The following PHF14 variants were observed in gnomAD, a reference collection of about 807,000 sequenced individuals.
The protein encoded by PHF14 is PHD finger protein 14.
PHF14 carries 55 observed loss-of-function variants against 117.9 expected under a neutral mutation model. That is an observed-to-expected ratio of 0.47 (90% CI 0.38 to 0.58). PHF14 has a LOEUF of 0.58. PHF14 is among the 20% of genes least tolerant of loss of function. The pLI is 0.00. For missense variants in PHF14, 978 were observed against 1,122.2 expected (o/e 0.87, Z 1.84); for synonymous variants, 409 against 368.6 (o/e 1.11, Z -1.26).
intron 17 of PHF14, among the ~76,000 whole-genome samples, chr7:11,152,549 A>G (rs1268150667): frequency 1.3e-5 from 2 of 152,162 alleles, no homozygotes; most frequent in African/African-American, 2.4e-5. Flanking sequence ...ATGCTTCTAT[A>G]TAGTAAGGAA....
chr7:10,990,738 C>G lies in PHF14; in HGVS notation c.936C>G (p.Ser312Arg). 1 of 1,560,484 alleles carries G rather than the reference C, an allele frequency of 6.4e-7. No homozygotes were observed. The highest frequency in any genetic ancestry group is 8.7e-7 in the Non-Finnish European group (1 of 1,148,244). The change falls in exon 4 of 18, where the codon AGC (serine) becomes AGG (arginine). Residue 312 changes from serine to arginine, a missense_variant. Ser to Arg is a moderately radical substitution (Grantham distance 110). This residue lies in a region of PHF14 where 414 missense variants were observed against 376.4 expected (regional missense o/e 1.10). Coordinates refer to ENST00000634607, the MANE Select transcript of PHF14 (RefSeq NM_001007157.2). ...SLILEKSQNW[S>R]SQKMDHILIC... is the part of the protein sequence containing the mutation. ...TTCTTGAGAAGAGTCAAAACTGGAG[C>G]TCTCAAAAAATGGACCATATTCTGA...
chr7:11,107,971 A>G lies in PHF14; in HGVS notation c.2655-3379A>G, dbSNP rs148875938. 691 of 152,824 alleles carry G rather than the reference A, an allele frequency of 4.5e-3. 2 individuals carry two copies. Among genetic ancestry groups the G allele is most frequent in the Non-Finnish European group, 7.2e-3 (492 of 68,676 alleles). The allele number at this position is 152,824 out of a possible 1,614,324, so 9.5% of individuals were successfully genotyped here. Reference sequence around the variant, plus strand: ...CCTTACGAGTTTTTTTAAATGGTCTAAATTTGCAACATAGCTCAGGGTTTG... The same window carrying G: ...CCTTACGAGTTTTTTTAAATGGTCTGAATTTGCAACATAGCTCAGGGTTTG... On this transcript the variant is annotated intron_variant, in intron 16 of 17. Coordinates refer to ENST00000634607, the MANE Select transcript of PHF14 (RefSeq NM_001007157.2).
intron 17 of PHF14, among the ~76,000 whole-genome samples, chr7:11,152,213 T>C (rs1788721617): frequency 6.6e-6 from 1 of 152,162 alleles, no homozygotes; most frequent in South Asian, 2.1e-4. Flanking sequence ...TATGTGAAGC[T>C]TTTAAAATTT....
At chr7:11,118,209 T>G (rs1013238235) in intron 17 of PHF14, among the ~76,000 whole-genome samples, 1 of 151,924 alleles carries the variant, frequency 6.6e-6, no homozygotes, top group African/African-American at 2.4e-5. Flanking sequence ...GTAGACTTAC[T>G]AAAAGTCTGA....
At chr7:11,012,403 A>T (rs777559179) in intron 4 of PHF14, among the ~76,000 whole-genome samples, 1 of 152,204 alleles carries the variant, frequency 6.6e-6, no homozygotes, top group Non-Finnish European at 1.5e-5. Flanking sequence ...TGGGTTATGA[A>T]AAGTTGATGC....
chr7:11,056,053 A>T (rs1255428029), intron 14 of PHF14, among the ~76,000 whole-genome samples: 2 of 152,166 alleles, frequency 1.3e-5, no homozygotes, highest in Non-Finnish European at 2.9e-5. Context: ...CTGAGGTACG[A>T]GTCAGATTAT....
chr7:11,020,763 A>G (rs1167094480), intron 5 of PHF14, among the ~76,000 whole-genome samples: 1 of 152,136 alleles, frequency 6.6e-6, no homozygotes, highest in Non-Finnish European at 1.5e-5. Flanking sequence ...TTTGAAAATC[A>G]GTTAATTTTT....
At chr7:11,039,328 A>G (rs1784426546) in intron 11 of PHF14, among the ~76,000 whole-genome samples, 1 of 152,072 alleles carries the variant, frequency 6.6e-6, no homozygotes, top group African/African-American at 2.4e-5. Flanking sequence ...TCAGCTGTAT[A>G]AGAGATGGTT....
chr7:10,979,273 TG>T (rs1333079215), intron 2 of PHF14, among the ~76,000 whole-genome samples: 1 of 152,128 alleles, frequency 6.6e-6, no homozygotes, highest in Non-Finnish European at 1.5e-5. Context: ...TTTATTTTTT[TG>T]TCTGGCCATT....
chr7:11,150,119 G>A (rs1383293077), intron 17 of PHF14, among the ~76,000 whole-genome samples: 1 of 152,032 alleles, frequency 6.6e-6, no homozygotes, highest in East Asian at 1.9e-4. Context: ...AAATATTGAG[G>A]TATAACAATA....
intron 17 of PHF14, among the ~76,000 whole-genome samples, chr7:11,132,062 C>T (rs983987579): frequency 6.6e-6 from 1 of 151,720 alleles, no homozygotes; most frequent in South Asian, 2.1e-4. Flanking sequence ...TTAGCATATC[C>T]ATCATGTCAC....
chr7:11,024,204 A>T (rs1442186098), intron 6 of PHF14, among the ~76,000 whole-genome samples: 1 of 152,172 alleles, frequency 6.6e-6, no homozygotes, highest in Non-Finnish European at 1.5e-5. Flanking sequence ...ACTGTTCAAT[A>T]TTGTGAAGGC....
In PHF14 at chr7:11,122,331, T is replaced by TTATATA. The variant is rs146463909; in HGVS notation, c.2772+10881_2772+10886dup. ...AAGGGGAGATTACTGTTTGTACTTT[T>TTATATA]TATATATATATATATATATATACAC... On this transcript the variant is annotated intron_variant, in intron 17 of 17. Transcript: ENST00000634607. 1.4e-3 allele frequency among the ~76,000 whole-genome samples: 119 copies of TTATATA among 84,062 alleles called. 8 individuals are homozygous for TTATATA. Among genetic ancestry groups the TTATATA allele is most frequent in the Middle Eastern group, 5.2e-3 (1 of 194 alleles). 55.1% of individuals were successfully genotyped at this position (84,062 alleles called of 152,430 possible).
At chr7:11,091,631 G>A (rs1282920634) in intron 16 of PHF14, among the ~76,000 whole-genome samples, 1 of 151,988 alleles carries the variant, frequency 6.6e-6, no homozygotes, top group African/African-American at 2.4e-5. Context: ...GGTGGTGCAT[G>A]CCTGTAGTTC....
chr7:11,068,368 A>T (rs1460229852), intron 16 of PHF14, among the ~76,000 whole-genome samples: 1 of 151,826 alleles, frequency 6.6e-6, no homozygotes, highest in Non-Finnish European at 1.5e-5. Flanking sequence ...AAAAAAAAAA[A>T]AAAAATCTGA....
chr7:11,122,398 CATAT>C (rs199497476), intron 17 of PHF14, among the ~76,000 whole-genome samples: 1,220 of 121,752 alleles, frequency 0.01, 8 homozygotes, highest in Non-Finnish European at 0.017. Context: ...CATACACACA[CATAT>C]ATATATACAC....
chr7:11,064,663 TTGTA>T (rs1252211090), intron 16 of PHF14, among the ~76,000 whole-genome samples: 1 of 152,080 alleles, frequency 6.6e-6, no homozygotes, highest in Non-Finnish European at 1.5e-5. Context: ...TTTTAGTTAT[TTGTA>T]TGTGTTTACT....
Position 11,070,380 on chromosome 7 carries a change from G to C in PHF14, c.2654+8295G>C, listed in dbSNP as rs894131094. Among the ~76,000 whole-genome samples the C allele has an allele frequency of 2.0e-5, 3 of 152,308 alleles. 1 individual carries two copies. ...GGCATGAGCCGCTGTACCCAGCTAA[G>C]CTGTGTTTTTCAAGGAATGTATTGA... On this transcript the variant is annotated intron_variant, in intron 16 of 17. Transcript: ENST00000634607.
chr7:11,094,274 A>AT (rs1786757254), intron 16 of PHF14, among the ~76,000 whole-genome samples: 1 of 152,226 alleles, frequency 6.6e-6, no homozygotes, highest in Admixed American at 6.5e-5. Flanking sequence ...TTTGGAAGAC[A>AT]TAAGTCCAAA....
Sources: gnomAD v4.1 joint callset for allele counts (sites outside exome capture counted in the v4.1 genomes callset) on GRCh38, gnomAD v4.1.1 for gene constraint, gnomAD v4.1.1 regional missense constraint, MANE v1.5 for transcripts, NCBI Gene and HGNC (gene_info 2026-07-23, HGNC 2026-07-21) for gene names.